Variants in PI4KA observed in about 807,000 individuals in gnomAD.
PI4KA encodes the protein phosphatidylinositol 4-kinase alpha.
In PI4KA, 122 loss-of-function variants were observed where a neutral mutation model predicts 271.4. The ratio of observed to expected loss-of-function variants is 0.45; its 90% CI spans 0.39 to 0.52. The LOEUF is 0.52. Among genes scored for constraint, PI4KA ranks in the 20% least tolerant of loss-of-function variants. The pLI, the probability that PI4KA is intolerant of heterozygous loss-of-function variation, is 0.00. For missense variants in PI4KA, 1,969 were observed against 2,769.1 expected, an observed-to-expected ratio of 0.71 and a Z score of 6.48; for synonymous variants, 1,041 against 1,078.8, an observed-to-expected ratio of 0.96 and a Z score of 0.69.
At position 20,766,552 on chromosome 22, in the gene PI4KA, C is replaced by A. The variant is rs1308032432; in HGVS notation, c.2329-859G>T. ...TGGTGGCAGGCACCTGTAATCCCAG[C>A]TACTCGGGAGATTGAGGCAGGAGAA... On this transcript the variant is annotated intron_variant, in intron 19 of 54. Coordinates refer to ENST00000255882, the MANE Select transcript of PI4KA (RefSeq NM_058004.4). Among the ~76,000 whole-genome samples the A allele has an allele frequency of 2.0e-5, 3 of 152,164 alleles. 1 individual carries two copies. Among genetic ancestry groups the A allele is most frequent in the Admixed American group, 2.0e-4 (3 of 15,272 alleles).
intron 19 of PI4KA, chr22:20,779,797 T>G: frequency 6.2e-7 from 1 of 1,614,252 alleles, no homozygotes; most frequent in Non-Finnish European, 8.5e-7. Flanking sequence ...TCTACTGCGA[T>G]GGGTATGATT....
chr22:20,765,729 T>C (rs906612453), intron 19 of PI4KA, 36 bp from the exon 20 acceptor site: 7 of 1,396,814 alleles, frequency 5.0e-6, no homozygotes, highest in Non-Finnish European at 7.1e-6. Context: ...AAGGAGGTTA[T>C]TTGCTGAGGA....
At chr22:20,847,850 C>T (rs538427667) in intron 1 of PI4KA, among the ~76,000 whole-genome samples, 11 of 151,062 alleles carry the variant, frequency 7.3e-5, no homozygotes, top group African/African-American at 2.4e-4. Context: ...AAGTGCAAAA[C>T]TAAGAAACAT....
At chr22:20,825,524 G>A (rs1193454556) in intron 3 of PI4KA, among the ~76,000 whole-genome samples, 1 of 152,174 alleles carries the variant, frequency 6.6e-6, no homozygotes, top group Non-Finnish European at 1.5e-5. Context: ...GAACCCAGGA[G>A]GTGGAGGTTG....
chr22:20,756,206 CTT>C (rs200988090), intron 23 of PI4KA, among the ~76,000 whole-genome samples: 12 of 141,186 alleles, frequency 8.5e-5, no homozygotes, highest in Admixed American at 1.4e-4. Context: ...AGTATAATAG[CTT>C]TTTTTTTTTT....
chr22:20,721,576 C>G (rs1380712119), intron 42 of PI4KA, 158 bp from the exon 43 acceptor site: 2 of 710,698 alleles, frequency 2.8e-6, no homozygotes, highest in Non-Finnish European at 2.3e-6. Context: ...ATGTTGAGTC[C>G]AGCCAGTGGC....
intron 7 of PI4KA, among the ~76,000 whole-genome samples, chr22:20,814,338 A>G (rs1921459505): frequency 6.6e-6 from 1 of 152,218 alleles, no homozygotes; most frequent in Admixed American, 6.5e-5. Context: ...GGAAGGGGAA[A>G]TGGGGAATAA....
intron 9 of PI4KA, among the ~76,000 whole-genome samples, chr22:20,810,530 T>G (rs1223495746): frequency 3.3e-5 from 5 of 150,660 alleles, no homozygotes; most frequent in East Asian, 1.9e-4. Flanking sequence ...AAAAGTTCCC[T>G]AGTTACGCAC....
rs16988778 is a variant in PI4KA at position 20,773,649 on chromosome 22, C to T, written c.2329-7956G>A. Among the ~76,000 whole-genome samples, 1,455 of 152,288 alleles carry T rather than the reference C, an allele frequency of 9.6e-3. 15 individuals are homozygous for T. Among genetic ancestry groups the T allele is most frequent in the African/African-American group, 0.032 (1,324 of 41,546 alleles). ...CTCTCCTCCACCTTTCACTGAGGAACGAGCTCTTGGAAGGACAGGGACACC... is the reference window on the plus strand; with the variant it reads ...CTCTCCTCCACCTTTCACTGAGGAATGAGCTCTTGGAAGGACAGGGACACC... On this transcript the variant is annotated intron_variant, in intron 19 of 54. Coordinates refer to ENST00000255882, the MANE Select transcript of PI4KA (RefSeq NM_058004.4).
chr22:20,808,825 T>C (rs1935832082), intron 9 of PI4KA, among the ~76,000 whole-genome samples: 1 of 151,948 alleles, frequency 6.6e-6, no homozygotes, highest in African/African-American at 2.4e-5. Context: ...ACTACAGGCA[T>C]GTACCACCAT....
At position 20,805,063 on chromosome 22, in the gene PI4KA, A is replaced by T. The variant is rs752947885; in HGVS notation, c.1271T>A (p.Ile424Asn). Residue 424 changes from isoleucine (I) to asparagine (N), a missense_variant, in exon 11 of 55, where the codon ATC (isoleucine) becomes AAC (asparagine). This residue lies in a region of PI4KA where 540 missense variants were observed against 555.5 expected (regional missense o/e 0.97). Coordinates refer to ENST00000255882, the MANE Select transcript of PI4KA (RefSeq NM_058004.4). ...LQKILHDADRIHNELSPLKLR... is the reference protein window; with the variant it reads ...LQKILHDADRNHNELSPLKLR... ...TTTGAGGGGGCTCAGCTCATTGTGG[A>T]TCCGGTCTGCGTCATGTAGAATCTT... The T allele has an allele frequency of 6.2e-7, 1 of 1,614,100 alleles. No homozygotes were observed. Among genetic ancestry groups the T allele is most frequent in the East Asian group, 2.2e-5 (1 of 44,880 alleles).
At chr22:20,745,826 G>A (rs1929990612) in intron 29 of PI4KA, among the ~76,000 whole-genome samples, 2 of 151,968 alleles carry the variant, frequency 1.3e-5, no homozygotes, top group Admixed American at 6.6e-5. Flanking sequence ...ACAATGTCCT[G>A]GCATGGCAAA....
chr22:20,779,203 T>C, intron 19 of PI4KA: 1 of 1,598,302 alleles, frequency 6.3e-7, no homozygotes. Flanking sequence ...GGCCTCTTCC[T>C]GGGTCAAAGC....
chr22:20,814,822 A>G (rs911510136), intron 7 of PI4KA, among the ~76,000 whole-genome samples: 2 of 151,822 alleles, frequency 1.3e-5, no homozygotes, highest in African/African-American at 4.9e-5. Flanking sequence ...AAGGAAAAAA[A>G]TCAACAAAAA....
At chr22:20,814,092 C>G (rs1000228989) in intron 7 of PI4KA, among the ~76,000 whole-genome samples, 5 of 152,128 alleles carry the variant, frequency 3.3e-5, no homozygotes, top group Non-Finnish European at 7.3e-5. Context: ...AGCCACCATG[C>G]CCAGCAGAAA....
chr22:20,783,766 T>C (rs200865834), intron 19 of PI4KA, among the ~76,000 whole-genome samples: 3 of 152,170 alleles, frequency 2.0e-5, no homozygotes, highest in East Asian at 3.8e-4. Context: ...CCAGAAACTA[T>C]TCCAGTCCGG....
At chr22:20,834,406 A>T (rs2147761440) in intron 3 of PI4KA, among the ~76,000 whole-genome samples, 156 bp downstream of exon 3, 1 of 152,316 alleles carries the variant, frequency 6.6e-6, no homozygotes, top group Admixed American at 6.5e-5. Flanking sequence ...CAACACATGG[A>T]TGTAAGCTCA....
intron 19 of PI4KA, chr22:20,779,925 C>A (rs1396024123): frequency 6.2e-7 from 1 of 1,614,104 alleles, no homozygotes; most frequent in African/African-American, 1.3e-5. Context: ...CTTCCGTAAG[C>A]TGACTCATCG....
At chr22:20,779,122 T>C (rs1173201457) in intron 19 of PI4KA, 10 of 1,430,784 alleles carry the variant, frequency 7.0e-6, no homozygotes, top group East Asian at 5.0e-5. Flanking sequence ...ACATCAAAGG[T>C]TGGGTGTCTA....
Sources: gnomAD v4.1 joint callset for allele counts (sites outside exome capture counted in the v4.1 genomes callset) on GRCh38, gnomAD v4.1.1 for gene constraint, gnomAD v4.1.1 regional missense constraint, MANE v1.5 for transcripts, NCBI Gene and HGNC (gene_info 2026-07-23, HGNC 2026-07-21) for gene names.